The following PSME4 variants were observed in gnomAD, a reference collection of about 807,000 sequenced individuals.
PSME4 encodes proteasome activator subunit 4.
In PSME4, 89 loss-of-function variants were observed where a neutral mutation model predicts 253.9. The ratio of observed to expected loss-of-function variants is 0.35; its 90% CI spans 0.30 to 0.42. The LOEUF (loss-of-function observed/expected upper bound fraction) is 0.42, where lower values mean the gene tolerates loss of function less well. PSME4 is among the 10% of genes least tolerant of loss of function. PSME4 has a pLI of 1.00. For synonymous variants in PSME4, 851 were observed against 759.2 expected, an observed-to-expected ratio of 1.12 and a Z score of -1.99; for missense variants, 2,014 against 2,195.2, an observed-to-expected ratio of 0.92 and a Z score of 1.65.
intron 38 of PSME4, chr2:53,888,283 G>C (rs1383603252): frequency 4.0e-6 from 1 of 252,978 alleles, no homozygotes; most frequent in East Asian, 8.1e-5. Flanking sequence ...CATTAATTAA[G>C]TGCTTCTTCT....
In PSME4 at chr2:53,940,927, TA is replaced by T. The variant is rs1361731691; in HGVS notation, c.501-928del. ...TATAATACATATTTAAATATATATA[TA>T]ATACATATATAAATATATATATACA... On this transcript the variant is annotated intron_variant, in intron 3 of 46. Transcript: ENST00000404125. Among the ~76,000 whole-genome samples, 33 of 99,656 alleles carry T rather than the reference TA, an allele frequency of 3.3e-4. 3 individuals carry two copies. The highest frequency in any genetic ancestry group is 7.0e-4 in the African/African-American group (20 of 28,510). 65.4% of individuals were successfully genotyped at this position (99,656 alleles called of 152,430 possible).
intron 26 of PSME4, among the ~76,000 whole-genome samples, chr2:53,904,910 C>T (rs115309750): frequency 6.6e-6 from 1 of 151,940 alleles, no homozygotes; most frequent in Non-Finnish European, 1.5e-5. Context: ...ATTGCTGGAA[C>T]TCAGGCGGCG....
Position 53,936,753 on chromosome 2 carries a change from G to C in PSME4, c.759+11C>G. The C allele has an allele frequency of 1.3e-6, 2 of 1,550,162 alleles. No homozygotes were observed. The highest frequency in any genetic ancestry group is 1.7e-6 in the Non-Finnish European group (2 of 1,148,290). ...CTATAGGGGGGAAGAAAGGGAAAAA[G>C]GGATACTTACCCCCTCCCATTGTGG... On this transcript the variant is annotated intron_variant, in intron 6 of 46. Transcript: ENST00000404125.
chr2:53,934,454 G>C (rs1463552668), intron 8 of PSME4, 151 bp downstream of exon 8: 9 of 729,048 alleles, frequency 1.2e-5, no homozygotes, highest in Non-Finnish European at 1.9e-5. Flanking sequence ...TTCTGGATTT[G>C]ATAAACATGA....
chr2:53,965,826 T>C (rs1299248898), intron 1 of PSME4, among the ~76,000 whole-genome samples: 1 of 152,020 alleles, frequency 6.6e-6, no homozygotes, highest in Non-Finnish European at 1.5e-5. Context: ...CCCGCCATCA[T>C]GCCCGGCTAA....
chr2:53,957,085 G>C (rs758099715), intron 1 of PSME4, among the ~76,000 whole-genome samples: 2 of 152,104 alleles, frequency 1.3e-5, no homozygotes, highest in Non-Finnish European at 2.9e-5. Flanking sequence ...GGTAAATGAA[G>C]GGGAACAATT....
chr2:53,898,471 C>T, intron 29 of PSME4, 117 bp from the exon 30 acceptor site: 1 of 759,200 alleles, frequency 1.3e-6, no homozygotes, highest in Non-Finnish European at 2.1e-6. Context: ...TTCCCACCAC[C>T]TGACTGTAAA....
At chr2:53,912,803 C>G (rs1208205673) in intron 20 of PSME4, among the ~76,000 whole-genome samples, 2 of 152,152 alleles carry the variant, frequency 1.3e-5, no homozygotes, top group East Asian at 3.8e-4. Context: ...TAAAAGAAAT[C>G]TCTACCCATT....
At chr2:53,921,170 A>G in intron 17 of PSME4, 66 bp from the exon 18 acceptor site, 1 of 1,598,458 alleles carries the variant, frequency 6.3e-7, no homozygotes. Context: ...TCATTAATGC[A>G]AAGTTCAATG....
At chr2:53,883,282 G>A (rs1032442696) in intron 41 of PSME4, among the ~76,000 whole-genome samples, 5 of 152,108 alleles carry the variant, frequency 3.3e-5, no homozygotes, top group African/African-American at 9.7e-5. Flanking sequence ...GGAAGGCTAC[G>A]GTGGGAGGAC....
chr2:53,911,795 C>A (rs1406087358), intron 20 of PSME4, among the ~76,000 whole-genome samples: 1 of 151,996 alleles, frequency 6.6e-6, no homozygotes, highest in Non-Finnish European at 1.5e-5. Context: ...TCATATTATA[C>A]AAATTAAAAA....
chr2:53,932,864 C>G (rs1407902246), intron 8 of PSME4, 104 bp from the exon 9 acceptor site: 1 of 758,960 alleles, frequency 1.3e-6, no homozygotes, highest in East Asian at 2.6e-5. Flanking sequence ...AGTTTATAGT[C>G]AACTTGCTGA....
intron 40 of PSME4, among the ~76,000 whole-genome samples, chr2:53,886,366 G>A (rs767065357): frequency 2.6e-5 from 4 of 152,200 alleles, no homozygotes; most frequent in Non-Finnish European, 5.9e-5. Context: ...CAGCCTGGAC[G>A]ACAGAGTGAA....
intron 27 of PSME4, 46 bp downstream of exon 27, chr2:53,903,979 G>C (rs771376417): frequency 4.0e-6 from 6 of 1,497,944 alleles, no homozygotes; most frequent in Non-Finnish European, 4.6e-6. Flanking sequence ...CAGCTTTTCA[G>C]TATGTTTGAA....
intron 29 of PSME4, among the ~76,000 whole-genome samples, chr2:53,899,425 G>A (rs1374395572): frequency 3.3e-5 from 5 of 152,136 alleles, no homozygotes; most frequent in Non-Finnish European, 1.5e-5. Flanking sequence ...AGGAATCTGT[G>A]TAGTAATTAC....
rs2104423589 is a variant in PSME4, at chr2:53,887,780, T to C, written c.4520+78A>G. The C allele has an allele frequency of 3.5e-6, 5 of 1,433,334 alleles. No individual in the cohort carries two copies. The Middle Eastern group carries it at 5.5e-4, about 157-fold the overall frequency. The allele number at this position is 1,433,334 out of a possible 1,614,324, so 88.8% of individuals were successfully genotyped here. A position where few individuals can be genotyped will look rare whatever the true frequency, so the allele number is the denominator to read the frequency against. ...AAACCCACTGACAACATAACCAGCA[T>C]GTATTATTACCTATTACAATTTAAA... On this transcript the variant is annotated intron_variant, in intron 39 of 46. Coordinates refer to ENST00000404125, the MANE Select transcript of PSME4 (RefSeq NM_014614.3).
At chr2:53,955,641 G>C (rs1042945547) in intron 1 of PSME4, among the ~76,000 whole-genome samples, 8 of 152,050 alleles carry the variant, frequency 5.3e-5, no homozygotes, top group African/African-American at 1.7e-4. Flanking sequence ...AACAAAACAG[G>C]CCCAGCACAG....
chr2:53,903,846 C>A (rs868287062), intron 27 of PSME4, among the ~76,000 whole-genome samples, 179 bp downstream of exon 27: 3 of 144,862 alleles, frequency 2.1e-5, no homozygotes, highest in Non-Finnish European at 4.5e-5. Flanking sequence ...GTGCTGATAT[C>A]TTCAATTTAC....
At chr2:53,891,090 T>C (rs1679884849) in intron 36 of PSME4, among the ~76,000 whole-genome samples, 1 of 152,204 alleles carries the variant, frequency 6.6e-6, no homozygotes, top group Admixed American at 6.5e-5. Flanking sequence ...TGTATAATAG[T>C]ACGCTAGGCT....
Sources: allele counts gnomAD v4.1 joint callset (sites outside exome capture counted in the v4.1 genomes callset), GRCh38; gene constraint gnomAD v4.1.1; transcripts MANE v1.5; gene names NCBI Gene and HGNC (gene_info 2026-07-23, HGNC 2026-07-21).